Variants in NUP160 observed in about 807,000 individuals in gnomAD.
NUP160 encodes nuclear pore complex protein Nup160.
In NUP160, 94 loss-of-function variants were observed where a neutral mutation model predicts 196.9. The ratio of observed to expected loss-of-function variants is 0.48; its 90% CI spans 0.40 to 0.57. The LOEUF (loss-of-function observed/expected upper bound fraction) is 0.57. Ranked by LOEUF, NUP160 falls within the 20% of genes least tolerant of loss-of-function variation. The probability of loss-of-function intolerance (pLI) is 0.00; values close to 1 mark genes in which losing one functional copy is unlikely to be tolerated. For missense variants in NUP160, 1,638 were observed against 1,748.3 expected (o/e 0.94, Z 1.13); for synonymous variants, 605 against 619.7 (o/e 0.98, Z 0.35).
intron 28 of NUP160, 96 bp downstream of exon 28, chr11:47,792,690 A>G: frequency 1.7e-6 from 2 of 1,171,570 alleles, no homozygotes; most frequent in Non-Finnish European, 2.4e-6. Context: ...AAATCAAAAG[A>G]AGCAAAATGA....
At position 47,812,303 on chromosome 11, in the gene NUP160, T is replaced by C; in HGVS notation, c.2079A>G (p.Pro693=). The C allele has an allele frequency of 3.7e-6, 6 of 1,613,958 alleles. No individual in the cohort carries two copies. The South Asian group carries it at 6.6e-5, about 18-fold the overall frequency. Residue 693 remains proline, a splice_region_variant and synonymous_variant, in exon 16 of 36, where the codon CCA becomes CCG. Transcript: ENST00000378460. ...CACATTTGTTGTTCTGTCATTTACCTGGATTGAATCCCTTTTCCATTTCCA... is the reference window on the plus strand; with the variant it reads ...CACATTTGTTGTTCTGTCATTTACCCGGATTGAATCCCTTTTCCATTTCCA...
intron 18 of NUP160, 121 bp downstream of exon 18, chr11:47,808,273 ACT>A (rs1401526985): frequency 8.0e-6 from 7 of 869,598 alleles, no homozygotes; most frequent in South Asian, 1.7e-5. Flanking sequence ...AGAGAGCGAG[ACT>A]CTGTCTCAAA....
chr11:47,837,093 T>C (rs1412550194), intron 5 of NUP160, 92 bp from the exon 6 acceptor site: 5 of 697,646 alleles, frequency 7.2e-6, no homozygotes, highest in East Asian at 5.4e-5. Context: ...AAATTATAAA[T>C]GTACACTCTT....
intron 19 of NUP160, 149 bp downstream of exon 19, chr11:47,806,921 C>T (rs1272813985): frequency 2.8e-5 from 17 of 606,002 alleles, no homozygotes; most frequent in Middle Eastern, 2.7e-4. Flanking sequence ...ATGCCACAAA[C>T]GGAGATCTCA....
At chr11:47,827,974 A>G (rs1049360451) in intron 7 of NUP160, among the ~76,000 whole-genome samples, 3 of 152,152 alleles carry the variant, frequency 2.0e-5, no homozygotes, top group African/African-American at 7.2e-5. Context: ...GGCTCAAGTG[A>G]TCCTGCCATC....
chr11:47,811,948 A>G, intron 17 of NUP160, 116 bp downstream of exon 17: 1 of 817,488 alleles, frequency 1.2e-6, no homozygotes, highest in East Asian at 2.6e-5. Context: ...GGGAGAATAA[A>G]GCAGTGAACC....
intron 17 of NUP160, among the ~76,000 whole-genome samples, chr11:47,809,733 T>TAAA (rs2097679984): frequency 9.4e-5 from 1 of 10,664 alleles, no homozygotes; most frequent in Non-Finnish European, 1.7e-4. Flanking sequence ...AGCAAGACTC[T>TAAA]CAAAAAAAAA....
At chr11:47,848,420 T>C in exon 1 of NUP160, 1 of 1,559,656 alleles carries the variant, frequency 6.4e-7, no homozygotes, top group Non-Finnish European at 8.6e-7. Context: ...AGGTGAAGCA[T>C]TCCGGGAGCA....
Position 47,815,604 on chromosome 11 carries a change from G to A in NUP160, c.1561C>T (p.Arg521Ter). The A allele has an allele frequency of 1.9e-6, 3 of 1,611,696 alleles. No homozygotes were observed. Among genetic ancestry groups the A allele is most frequent in the South Asian group, 1.1e-5 (1 of 90,516 alleles). The change falls in exon 13 of 36, where the codon CGA becomes TGA. Residue 521 changes from arginine to a stop codon, truncating the protein, a stop_gained. Transcript: ENST00000378460. LOFTEE classifies it high-confidence loss of function. ...CACCAGAATTCTTGTTGTAAATTTC[G>A]AAACTCCTCCTGGGAGAATTCATAC...
intron 1 of NUP160, 65 bp downstream of exon 1, chr11:47,848,154 C>G: frequency 6.4e-7 from 1 of 1,572,768 alleles, no homozygotes; most frequent in Non-Finnish European, 8.8e-7. Flanking sequence ...GTCAGGGACC[C>G]TGGGACCCAT....
At chr11:47,835,590 A>G (rs1193637026) in intron 7 of NUP160, 61 bp downstream of exon 7, 1 of 1,371,686 alleles carries the variant, frequency 7.3e-7, no homozygotes, top group Non-Finnish European at 9.8e-7. Flanking sequence ...CTGAGTCTAC[A>G]GCCATTTCTC....
chr11:47,818,597 G>A (rs1390589665), intron 10 of NUP160, among the ~76,000 whole-genome samples: 2 of 151,904 alleles, frequency 1.3e-5, no homozygotes, highest in African/African-American at 4.8e-5. Flanking sequence ...GTAGGGAAAT[G>A]AAGTAGAGAG....
intron 6 of NUP160, among the ~76,000 whole-genome samples, chr11:47,836,185 T>C (rs556128124): frequency 6.6e-6 from 1 of 151,868 alleles, no homozygotes. Context: ...GAGGCGGAGG[T>C]TGCAGTGAGG....
At chr11:47,802,200 A>C (rs1401247900) in intron 22 of NUP160, among the ~76,000 whole-genome samples, 1 of 152,148 alleles carries the variant, frequency 6.6e-6, no homozygotes, top group African/African-American at 2.4e-5. Context: ...CGGGAGGCTG[A>C]GGCGGGTGGA....
intron 31 of NUP160, among the ~76,000 whole-genome samples, chr11:47,786,758 C>T (rs56904157): frequency 0.02 from 3,094 of 152,188 alleles, 63 homozygotes; most frequent in African/African-American, 0.059. Flanking sequence ...CAATTTACTT[C>T]CAAGATAAAA....
At chr11:47,816,486 C>T (rs1267781226) in intron 11 of NUP160, among the ~76,000 whole-genome samples, 1 of 152,112 alleles carries the variant, frequency 6.6e-6, no homozygotes, top group Non-Finnish European at 1.5e-5. Context: ...TTAAAGAAGC[C>T]TATGCAAGCT....
At chr11:47,808,431 A>ACTT in exon 18 of NUP160, 3 of 1,613,752 alleles carry the variant, frequency 1.9e-6, no homozygotes, top group Non-Finnish European at 2.5e-6. Context: ...CCAAGCACTC[A>ACTT]CTTCCCCATT....
intron 2 of NUP160, 83 bp from the exon 3 acceptor site, chr11:47,840,671 A>G (rs1852278036): frequency 3.5e-6 from 4 of 1,139,170 alleles, no homozygotes; most frequent in Middle Eastern, 2.1e-4. Flanking sequence ...ACAGTGTCCA[A>G]GTGAACTCAC....
At chr11:47,807,276 A>G (rs1244977547) in intron 18 of NUP160, 136 bp from the exon 19 acceptor site, 1 of 612,760 alleles carries the variant, frequency 1.6e-6, no homozygotes, top group African/African-American at 1.9e-5. Flanking sequence ...CACAAAAAAA[A>G]TTGGAAATCA....
Sources: allele counts gnomAD v4.1 joint callset (sites outside exome capture counted in the v4.1 genomes callset), GRCh38; gene constraint gnomAD v4.1.1; transcripts MANE v1.5; gene names NCBI Gene and HGNC (gene_info 2026-07-23, HGNC 2026-07-21).